ANO4: variants seen among roughly 807,000 people sequenced by gnomAD.
ANO4 encodes anoctamin 4.
In ANO4, 69 loss-of-function variants were observed where a neutral mutation model predicts 141.9. That is an observed-to-expected ratio of 0.49 (90% CI 0.40 to 0.59). The LOEUF is 0.59. ANO4 is among the 20% of genes least tolerant of loss of function. The pLI is 0.00. For missense variants in ANO4, 894 were observed against 1,162.2 expected, an observed-to-expected ratio of 0.77 and a Z score of 3.36; for synonymous variants, 350 against 394.3, an observed-to-expected ratio of 0.89 and a Z score of 1.33.
intron 3 of ANO4, among the ~76,000 whole-genome samples, chr12:100,767,491 T>C (rs1313692509): frequency 6.6e-6 from 1 of 152,188 alleles, no homozygotes; most frequent in Non-Finnish European, 1.5e-5. Flanking sequence ...AAATAAGGGT[T>C]ACCTGAACAC....
At chr12:101,013,318 T>C (rs1503892) in intron 8 of ANO4, among the ~76,000 whole-genome samples, 56,335 of 151,998 alleles carry the variant, frequency 0.37, 10,721 homozygotes, top group Non-Finnish European at 0.41. Context: ...AGTCTCACTT[T>C]GTGACTATCT....
rs1173094638 is a variant in ANO4 at position 101,088,136 on chromosome 12, C to T, written c.1701+1312C>T. 5.9e-5 allele frequency among the ~76,000 whole-genome samples: 9 copies of T among 152,192 alleles called. No homozygotes were observed. The South Asian group carries it at 1.4e-3, about 24-fold the overall frequency. ...CGCTCATCTGGTCTGTGTGACATCTCTGACCTCATCTTTTCTTTTACTCAC... is the reference window on the plus strand; with the variant it reads ...CGCTCATCTGGTCTGTGTGACATCTTTGACCTCATCTTTTCTTTTACTCAC... On this transcript the variant is annotated intron_variant, in intron 17 of 27. Transcript: ENST00000392977.
At chr12:100,946,102 C>T (rs1420819373) in intron 5 of ANO4, among the ~76,000 whole-genome samples, 1 of 152,138 alleles carries the variant, frequency 6.6e-6, no homozygotes, top group Admixed American at 6.6e-5. Context: ...GAGAACAGCT[C>T]CACAGGATGG....
At chr12:100,815,713 TA>T (rs1334182026) in intron 1 of ANO4, among the ~76,000 whole-genome samples, 1 of 151,968 alleles carries the variant, frequency 6.6e-6, no homozygotes, top group Non-Finnish European at 1.5e-5. Context: ...CTATTGTTAA[TA>T]AATAATATTT....
chr12:100,943,222 T>C (rs2136181200), intron 5 of ANO4, among the ~76,000 whole-genome samples: 1 of 152,284 alleles, frequency 6.6e-6, no homozygotes, highest in South Asian at 2.1e-4. Context: ...TTGTAGAACT[T>C]GGCCCGTTAA....
At chr12:101,020,165 A>G in intron 9 of ANO4, 25 bp downstream of exon 9, 2 of 1,504,594 alleles carry the variant, frequency 1.3e-6, no homozygotes, top group Non-Finnish European at 1.8e-6. Flanking sequence ...AGTATAACAA[A>G]CTACATTTGG....
chr12:100,910,008 A>G (rs1463575511), intron 2 of ANO4, among the ~76,000 whole-genome samples: 1 of 152,174 alleles, frequency 6.6e-6, no homozygotes, highest in Non-Finnish European at 1.5e-5. Flanking sequence ...AATATTTGAA[A>G]TTCAAATATT....
chr12:100,763,920 A>T lies in ANO4; in HGVS notation c.358+23815A>T, dbSNP rs190219826. The stretch of plus-strand genomic sequence containing the variant: ...GGCCTAGGAACCACTTTTTTTTTTT[A>T]AATTTTTAAATCAAAGACCAACTGT... On this transcript the variant is annotated intron_variant, in intron 3 of 29. Transcript: ENST00000644049. 5.2e-3 allele frequency among the ~76,000 whole-genome samples: 782 copies of T among 150,316 alleles called. 4 individuals are homozygous for T. Among genetic ancestry groups the T allele is most frequent in the Non-Finnish European group, 7.4e-3 (503 of 67,720 alleles).
chr12:100,991,022 C>T (rs988701828), intron 8 of ANO4, among the ~76,000 whole-genome samples: 1 of 152,056 alleles, frequency 6.6e-6, no homozygotes, highest in Non-Finnish European at 1.5e-5. Context: ...GAAGAAAAAG[C>T]AGAGGACAGC....
chr12:100,943,874 A>G (rs562662763), intron 5 of ANO4, among the ~76,000 whole-genome samples: 1 of 152,190 alleles, frequency 6.6e-6, no homozygotes, highest in East Asian at 1.9e-4. Flanking sequence ...TTTCTCCTTA[A>G]TCATGCCTTC....
At chr12:100,760,689 C>T (rs551356257) in intron 3 of ANO4, among the ~76,000 whole-genome samples, 26 of 152,308 alleles carry the variant, frequency 1.7e-4, no homozygotes, top group Middle Eastern at 6.8e-3. Flanking sequence ...CTTTATCACT[C>T]AGAACTTCGT....
At chr12:100,802,017 C>G (rs2034728204) in intron 1 of ANO4, among the ~76,000 whole-genome samples, 1 of 152,052 alleles carries the variant, frequency 6.6e-6, no homozygotes, top group Non-Finnish European at 1.5e-5. Flanking sequence ...ATCCCTTTTG[C>G]CCTTGAGGGT....
intron 1 of ANO4, among the ~76,000 whole-genome samples, chr12:100,861,582 A>G (rs763668740): frequency 1.3e-5 from 2 of 152,228 alleles, no homozygotes; most frequent in Non-Finnish European, 2.9e-5. Context: ...TAGTAAATGA[A>G]TATGAAGGCC....
intron 7 of ANO4, chr12:100,987,083 C>T: frequency 6.3e-6 from 1 of 159,684 alleles, no homozygotes; most frequent in Non-Finnish European, 1.4e-5. Flanking sequence ...GCACAACTCC[C>T]AGGATGTGCT....
intron 14 of ANO4, among the ~76,000 whole-genome samples, chr12:101,078,664 A>G (rs2049122407): frequency 6.6e-6 from 1 of 152,152 alleles, no homozygotes. Context: ...GTAAAACAGG[A>G]AAATATATTT....
At chr12:100,942,610 G>T in intron 5 of ANO4, 75 bp downstream of exon 5, 2 of 1,476,534 alleles carry the variant, frequency 1.4e-6, no homozygotes, top group South Asian at 1.3e-5. Context: ...AAATAAGCAA[G>T]CAGTCTTAAT....
chr12:101,123,158 T>C (rs1260105735), intron 26 of ANO4, among the ~76,000 whole-genome samples: 1 of 152,210 alleles, frequency 6.6e-6, no homozygotes, highest in Non-Finnish European at 1.5e-5. Context: ...CTATCACTGC[T>C]TTTTCCTTCA....
chr12:101,079,164 A>G, intron 14 of ANO4, 29 bp from the exon 15 acceptor site: 1 of 1,598,980 alleles, frequency 6.3e-7, no homozygotes, highest in Non-Finnish European at 8.6e-7. Flanking sequence ...TTATTCAAAA[A>G]TGTCTTTGTC....
intron 1 of ANO4, among the ~76,000 whole-genome samples, chr12:100,832,154 C>G (rs575202764): frequency 1.2e-4 from 19 of 152,156 alleles, no homozygotes; most frequent in African/African-American, 4.6e-4. Flanking sequence ...TTCCCCACCC[C>G]CCAATCCTCT....
Sources: allele counts gnomAD v4.1 joint callset (sites outside exome capture counted in the v4.1 genomes callset), GRCh38; gene constraint gnomAD v4.1.1; transcripts MANE v1.5; gene names NCBI Gene and HGNC (gene_info 2026-07-23, HGNC 2026-07-21).